The following DAB1 variants were observed in gnomAD, a reference collection of about 807,000 sequenced individuals.
DAB1 encodes disabled homolog 1.
A neutral mutation model predicts 64.6 loss-of-function variants in DAB1; 15 were observed. The ratio of observed to expected loss-of-function variants is 0.23; its 90% confidence interval spans 0.16 to 0.36. The LOEUF (loss-of-function observed/expected upper bound fraction) is 0.36. Among genes scored for constraint, DAB1 ranks in the 10% least tolerant of loss-of-function variants. The pLI, the probability that DAB1 is intolerant of heterozygous loss-of-function variation, is 1.00. For synonymous variants in DAB1, 235 were observed against 251.9 expected (o/e 0.93, Z 0.64); for missense variants, 596 against 706.7 (o/e 0.84, Z 1.78).
chr1:57,174,629 G>C (rs780293325), intron 2 of DAB1, among the ~76,000 whole-genome samples: 1 of 152,086 alleles, frequency 6.6e-6, no homozygotes, highest in African/African-American at 2.4e-5. Context: ...ACTGCCTTGA[G>C]TCCTCTGAAC....
At chr1:58,110,121 C>G (rs1651887632) in intron 5 of DAB1, among the ~76,000 whole-genome samples, 1 of 152,232 alleles carries the variant, frequency 6.6e-6, no homozygotes, top group African/African-American at 2.4e-5. Flanking sequence ...AAGCTGACCA[C>G]AGAATATTAA....
At chr1:58,182,752 T>C (rs1388833330) in intron 4 of DAB1, among the ~76,000 whole-genome samples, 4 of 152,096 alleles carry the variant, frequency 2.6e-5, no homozygotes, top group South Asian at 2.1e-4. Context: ...AGATTTATAA[T>C]AGCTGCTTTG....
At chr1:58,436,865 C>T (rs998139021) in intron 3 of DAB1, among the ~76,000 whole-genome samples, 5 of 152,212 alleles carry the variant, frequency 3.3e-5, no homozygotes, top group Non-Finnish European at 7.3e-5. Context: ...ATACCCTAGT[C>T]AGACCAGAGG....
chr1:58,399,723 G>A (rs1161820552), intron 3 of DAB1, among the ~76,000 whole-genome samples: 3 of 152,124 alleles, frequency 2.0e-5, no homozygotes, highest in Non-Finnish European at 2.9e-5. Flanking sequence ...GAGCAACAAC[G>A]AATGCATGCC....
chr1:57,137,542 G>T (rs1205195695), intron 3 of DAB1, among the ~76,000 whole-genome samples: 1 of 152,038 alleles, frequency 6.6e-6, no homozygotes, highest in African/African-American at 2.4e-5. Context: ...CCATACTAGG[G>T]TACAACTCGG....
rs532033530 is a variant in DAB1, at chr1:57,690,722, C to T, written n.552-41057G>A. Among the ~76,000 whole-genome samples, 16 of 152,330 alleles carry T rather than the reference C, an allele frequency of 1.1e-4. No individual in the cohort carries two copies. The South Asian group carries it at 3.3e-3, about 32-fold the overall frequency. On this transcript the variant is annotated intron_variant and non_coding_transcript_variant, in intron 6 of 20. Transcript: ENST00000485760. ...TTTAGTTTTTTTAAGAACCTCCAAA[C>T]AGTTCTCCATAGTGGTTGTACTAAT...
intron 6 of DAB1, among the ~76,000 whole-genome samples, chr1:57,713,208 T>C (rs1036359278): frequency 1.3e-5 from 2 of 152,158 alleles, no homozygotes; most frequent in Non-Finnish European, 2.9e-5. Context: ...CAAATAAGCA[T>C]AACATCCTTA....
intron 4 of DAB1, among the ~76,000 whole-genome samples, chr1:57,108,010 T>C (rs1347418637): frequency 6.6e-6 from 1 of 152,160 alleles, no homozygotes; most frequent in Non-Finnish European, 1.5e-5. Flanking sequence ...TGGTCTTGCA[T>C]CCCATCTCAT....
intron 3 of DAB1, among the ~76,000 whole-genome samples, chr1:58,413,432 G>A (rs139910226): frequency 2.8e-4 from 43 of 152,258 alleles, no homozygotes; most frequent in Admixed American, 1.4e-3. Context: ...CCTAAACCAC[G>A]CAGATAAAGA....
At chr1:57,269,188 C>T (rs192610114) in intron 2 of DAB1, among the ~76,000 whole-genome samples, 1 of 152,228 alleles carries the variant, frequency 6.6e-6, no homozygotes, top group African/African-American at 2.4e-5. Context: ...CAGCACCTCC[C>T]ATTTGTTGAG....
Position 58,482,830 on chromosome 1 carries a change from G to A in DAB1, n.257+23230C>T, listed in dbSNP as rs564111888. 3.9e-5 allele frequency among the ~76,000 whole-genome samples: 6 copies of A among 152,246 alleles called. No homozygotes were observed. In the East Asian group the frequency reaches 9.7e-4, roughly 25 times the overall value. ...GAACAGTGAAGAAGCAGGTACAGCC[G>A]AGTGGAGCAGGGTGGAGGGCAGGAG... On this transcript the variant is annotated intron_variant and non_coding_transcript_variant, in intron 3 of 20. Transcript: ENST00000485760.
At chr1:58,181,914 A>C (rs1656815128) in intron 4 of DAB1, among the ~76,000 whole-genome samples, 1 of 152,012 alleles carries the variant, frequency 6.6e-6, no homozygotes, top group South Asian at 2.1e-4. Flanking sequence ...CCATGAATTC[A>C]AGCTATCACC....
intron 4 of DAB1, among the ~76,000 whole-genome samples, chr1:57,087,606 T>C (rs1464536335): frequency 1.3e-5 from 2 of 151,170 alleles, no homozygotes; most frequent in African/African-American, 4.9e-5. Context: ...GGAAGGAGAG[T>C]TGGGACTGAG....
chr1:57,814,331 C>T (rs1651758424), intron 6 of DAB1, among the ~76,000 whole-genome samples: 1 of 152,084 alleles, frequency 6.6e-6, no homozygotes, highest in African/African-American at 2.4e-5. Context: ...CAATTATGGC[C>T]CTGGCCTTAT....
At chr1:57,965,583 AC>A (rs1471456250) in intron 5 of DAB1, among the ~76,000 whole-genome samples, 2 of 152,140 alleles carry the variant, frequency 1.3e-5, no homozygotes, top group African/African-American at 2.4e-5. Context: ...ATTGTTCTCA[AC>A]CACATGAGCT....
In DAB1 at chr1:58,335,304, A is replaced by G. The variant is rs60822172; in HGVS notation, n.309+8048T>C. Among the ~76,000 whole-genome samples, 6 of 152,244 alleles carry G rather than the reference A, an allele frequency of 3.9e-5. No individual in the cohort carries two copies. In the East Asian group the frequency reaches 1.2e-3, roughly 29 times the overall value. On this transcript the variant is annotated intron_variant and non_coding_transcript_variant, in intron 4 of 20. Coordinates refer to the DAB1 transcript ENST00000485760. ...CAAGAGAACAGTAAGAGAGGGAAAA[A>G]GAATTAAATGAGGGTGGAGGAGTGG...
chr1:57,767,248 C>T (rs1483376018), intron 6 of DAB1, among the ~76,000 whole-genome samples: 1 of 151,942 alleles, frequency 6.6e-6, no homozygotes, highest in Non-Finnish European at 1.5e-5. Context: ...ATCTAGGGGC[C>T]CACAAGAGTC....
intron 1 of DAB1, among the ~76,000 whole-genome samples, chr1:57,293,719 A>G (rs1672968500): frequency 6.6e-6 from 1 of 152,138 alleles, no homozygotes; most frequent in African/African-American, 2.4e-5. Flanking sequence ...CCTAATCTAT[A>G]AATTCAGAAA....
At chr1:57,483,133 A>C (rs2101247474) in intron 7 of DAB1, among the ~76,000 whole-genome samples, 1 of 152,362 alleles carries the variant, frequency 6.6e-6, no homozygotes, top group South Asian at 2.1e-4. Context: ...AATATGCCAA[A>C]ATGTGCATTT....
Sources: gnomAD v4.1 joint callset for allele counts (sites outside exome capture counted in the v4.1 genomes callset) on GRCh38, gnomAD v4.1.1 for gene constraint, MANE v1.5 for transcripts, NCBI Gene and HGNC (gene_info 2026-07-23, HGNC 2026-07-21) for gene names.